Variants in CFAP46 observed in about 807,000 individuals in gnomAD.
CFAP46 encodes the protein cilia and flagella associated protein 46.
A neutral mutation model predicts 325.7 loss-of-function variants in CFAP46; 245 were observed. That is an observed-to-expected ratio of 0.75 (90% CI 0.68 to 0.84). The LOEUF is 0.84. CFAP46 is among the 40% of genes least tolerant of loss of function. The pLI, the probability that CFAP46 is intolerant of heterozygous loss-of-function variation, is 0.00. For synonymous variants in CFAP46, 1,523 were observed against 1,495.9 expected (o/e 1.02, Z -0.42); for missense variants, 3,346 against 3,543.0 (o/e 0.94, Z 1.41).
At chr10:132,867,568 G>T in intron 33 of CFAP46, 61 bp from the exon 34 acceptor site, 1 of 1,520,336 alleles carries the variant, frequency 6.6e-7, no homozygotes, top group Non-Finnish European at 8.8e-7. Flanking sequence ...GTCCCTTCAC[G>T]AGTAACCAAA....
At position 132,884,218 on chromosome 10, in the gene CFAP46, G is replaced by A. The variant is rs959172378; in HGVS notation, c.3627+885C>T. Among the ~76,000 whole-genome samples the A allele has an allele frequency of 1.3e-5, 2 of 152,138 alleles. No homozygotes were observed. Among genetic ancestry groups the A allele is most frequent in the African/African-American group, 2.4e-5 (1 of 41,430 alleles). ...CAGGGCAACTGCCGAGGAACGACGT[G>A]GCCTCTGGTTCCCCGGAGCGAGGAG... On this transcript the variant is annotated intron_variant, in intron 27 of 57. Coordinates refer to ENST00000368586, the MANE Select transcript of CFAP46 (RefSeq NM_001200049.3). The surrounding 1 kb of genome is among the most constrained non-coding windows in gnomAD (Gnocchi z 5.4).
chr10:132,843,783 G>T (rs1298614130), intron 44 of CFAP46, among the ~76,000 whole-genome samples: 19 of 117,540 alleles, frequency 1.6e-4, no homozygotes, highest in African/African-American at 5.6e-4. Flanking sequence ...TGTTCCCAGG[G>T]TGCTGTGGGG....
chr10:132,883,256 G>A (rs1162869696), intron 27 of CFAP46, among the ~76,000 whole-genome samples: 2 of 152,164 alleles, frequency 1.3e-5, no homozygotes, highest in Non-Finnish European at 2.9e-5. Flanking sequence ...CTGCATCCAC[G>A]ATACACCATG....
Position 132,859,231 on chromosome 10 carries a change from C to A in CFAP46, c.5215G>T (p.Val1739Phe). The A allele has an allele frequency of 3.9e-6, 6 of 1,549,034 alleles. No homozygotes were observed. The highest frequency in any genetic ancestry group is 5.2e-6 in the Non-Finnish European group (6 of 1,146,754). The change falls in exon 38 of 58, where the codon GTC becomes TTC. Residue 1739 changes from valine to phenylalanine, a missense_variant. Physicochemically the swap from Val to Phe is conservative, Grantham distance 50 (BLOSUM62 -1). Coordinates refer to ENST00000368586, the MANE Select transcript of CFAP46 (RefSeq NM_001200049.3). ...DLEARCLSLR[V>F]RVAQHSAVTE... Reference sequence around the variant, plus strand: ...ACCGCTGAGTGCTGCGCAACTCTGACCCGCAGGCTCAGGCACCTGACGGAG... The same window carrying A: ...ACCGCTGAGTGCTGCGCAACTCTGAACCGCAGGCTCAGGCACCTGACGGAG...
intron 22 of CFAP46, among the ~76,000 whole-genome samples, chr10:132,902,756 C>A (rs1849408439): frequency 6.6e-6 from 1 of 152,144 alleles, no homozygotes; most frequent in South Asian, 2.1e-4. Flanking sequence ...TGGATTGTGT[C>A]CACTTCCTTT....
chr10:132,906,208 G>A (rs1039458865), intron 22 of CFAP46, among the ~76,000 whole-genome samples: 1 of 152,238 alleles, frequency 6.6e-6, no homozygotes. Flanking sequence ...ACGCATGGCA[G>A]TGCCAGGCCA....
chr10:132,823,561 CTGAT>C (rs1847944437), intron 50 of CFAP46, among the ~76,000 whole-genome samples: 1 of 87,232 alleles, frequency 1.1e-5, no homozygotes. Flanking sequence ...CTGATGTGTG[CTGAT>C]GTGTGCTGTG....
intron 5 of CFAP46, among the ~76,000 whole-genome samples, chr10:132,938,149 G>A (rs919794417): frequency 1.3e-5 from 2 of 152,214 alleles, no homozygotes; most frequent in Non-Finnish European, 2.9e-5. Context: ...TGACCCCTCA[G>A]GGCTGAGACC....
intron 50 of CFAP46, among the ~76,000 whole-genome samples, chr10:132,820,954 GCT>G: frequency 1.7e-5 from 1 of 57,528 alleles, no homozygotes; most frequent in Non-Finnish European, 4.5e-5. Flanking sequence ...TGCTGTGTGT[GCT>G]GATGTGTGCT....
intron 28 of CFAP46, 36 bp from the exon 29 acceptor site, chr10:132,879,667 C>G: frequency 6.8e-7 from 1 of 1,466,040 alleles, no homozygotes; most frequent in East Asian, 2.5e-5. Context: ...AGAGCAGGCC[C>G]GGCTACGGGT....
At chr10:132,821,244 G>GTGAGCGCTGA (rs1554964036) in intron 50 of CFAP46, among the ~76,000 whole-genome samples, 24 of 84,170 alleles carry the variant, frequency 2.9e-4, no homozygotes, top group Admixed American at 8.1e-4. Context: ...TGTGTGCTGT[G>GTGAGCGCTGA]TGTGTGCTGT....
intron 40 of CFAP46, 50 bp from the exon 41 acceptor site, chr10:132,850,482 A>G (rs1564777484): frequency 6.7e-7 from 1 of 1,482,554 alleles, no homozygotes; most frequent in Non-Finnish European, 9.0e-7. Flanking sequence ...GCAACCGCCC[A>G]CCCTGCCCAG....
intron 25 of CFAP46, among the ~76,000 whole-genome samples, chr10:132,888,738 T>G (rs575294554): frequency 3.2e-5 from 3 of 94,430 alleles, no homozygotes; most frequent in Admixed American, 1.1e-4. Flanking sequence ...CCTGCCACCT[T>G]CACCCCTGCC....
chr10:132,848,216 TAAAC>T (rs1286420677), intron 41 of CFAP46, among the ~76,000 whole-genome samples: 1 of 151,968 alleles, frequency 6.6e-6, no homozygotes, highest in Non-Finnish European at 1.5e-5. Context: ...GCCTTGAAAT[TAAAC>T]AAGATACAAT....
intron 25 of CFAP46, among the ~76,000 whole-genome samples, chr10:132,888,363 C>G (rs61862358): frequency 4.3e-5 from 2 of 46,358 alleles, no homozygotes; most frequent in South Asian, 1.7e-3. Context: ...CTGCCGCCTG[C>G]ACCTGCCACC....
At chr10:132,912,434 T>TCTCTC (rs200425491) in intron 19 of CFAP46, among the ~76,000 whole-genome samples, 1 of 121,052 alleles carries the variant, frequency 8.3e-6, no homozygotes, top group Non-Finnish European at 1.7e-5. Context: ...CTCACCTCCC[T>TCTCTC]CTCTCCTCTC....
intron 19 of CFAP46, 39 bp downstream of exon 19, chr10:132,912,613 CTCT>C (rs1849569795): frequency 1.9e-6 from 1 of 515,806 alleles, no homozygotes; most frequent in Non-Finnish European, 2.7e-6. Flanking sequence ...TCCTCTCTCT[CTCT>C]CTCTCTCTCT....
rs539478378 is a variant in CFAP46, at chr10:132,924,689, G to A, written c.1256+7C>T. The A allele has an allele frequency of 8.0e-6, 12 of 1,509,432 alleles. No homozygotes were observed. Among genetic ancestry groups the A allele is most frequent in the Middle Eastern group, 2.0e-4 (1 of 4,880 alleles). The allele number at this position is 1,509,432 out of a possible 1,614,324, so 93.5% of individuals were successfully genotyped here. A position where few individuals can be genotyped will look rare whatever the true frequency, so the allele number is the denominator to read the frequency against. ...TGTGGAGGACACAGCACAGGTGAGC[G>A]CCCCACCTGTCCAGCTTCTCCAGCA... is the stretch of plus-strand genomic sequence containing the variant. On this transcript the variant is annotated splice_region_variant and intron_variant, in intron 11 of 57. Transcript: ENST00000368586.
Position 132,942,480 on chromosome 10 carries a change from T to C in CFAP46, c.5A>G (p.Asp2Gly). The C allele has an allele frequency of 7.8e-7, 1 of 1,286,922 alleles. No homozygotes were observed. 79.7% of individuals were successfully genotyped at this position (1,286,922 alleles called of 1,614,324 possible). Residue 2 changes from aspartate to glycine, a missense_variant, in exon 1 of 58, where the codon GAC becomes GGC. Asp to Gly is a moderately conservative substitution (Grantham distance 94). Transcript: ENST00000368586. ...GGCCAGCTCCTGCGTGATGACCAGG[T>C]CCATGGCGCCGGCGCCCTGCTCGTC... M[D>G]LVITQELARA...
Sources: gnomAD v4.1 joint callset for allele counts (sites outside exome capture counted in the v4.1 genomes callset) on GRCh38, gnomAD v4.1.1 for gene constraint, Gnocchi (gnomAD v3.1) non-coding constraint, MANE v1.5 for transcripts, NCBI Gene and HGNC (gene_info 2026-07-23, HGNC 2026-07-21) for gene names.